Variants in CDH18 observed in about 807,000 individuals in gnomAD.
CDH18 encodes cadherin 18, also known as cadherin-18.
In CDH18, 31 loss-of-function variants were observed where a neutral mutation model predicts 67.9. That is an observed-to-expected ratio of 0.46 (90% CI 0.34 to 0.62). The LOEUF is 0.62. Ranked by LOEUF, CDH18 falls within the 20% of genes least tolerant of loss-of-function variation. The pLI is 0.01. For synonymous variants in CDH18, 362 were observed against 347.2 expected (o/e 1.04, Z -0.48); for missense variants, 890 against 975.5 (o/e 0.91, Z 1.17).
chr5:20,209,682 A>G (rs1054385239), intron 2 of CDH18, among the ~76,000 whole-genome samples: 2 of 152,044 alleles, frequency 1.3e-5, no homozygotes, highest in African/African-American at 2.4e-5. Flanking sequence ...TGATGGATAG[A>G]TCATTAAGAT....
intron 3 of CDH18, among the ~76,000 whole-genome samples, chr5:19,764,568 A>T (rs984673348): frequency 1.3e-5 from 2 of 151,700 alleles, no homozygotes; most frequent in Non-Finnish European, 2.9e-5. Flanking sequence ...TTAATGACTT[A>T]GTTCCCTTTA....
intron 1 of CDH18, among the ~76,000 whole-genome samples, chr5:20,569,210 CA>C (rs1269019992): frequency 6.6e-6 from 1 of 152,116 alleles, no homozygotes; most frequent in Non-Finnish European, 1.5e-5. Flanking sequence ...CATTGCCCTC[CA>C]TTTTATATGA....
chr5:19,756,977 A>C (rs1283120178), intron 3 of CDH18, among the ~76,000 whole-genome samples: 1 of 152,210 alleles, frequency 6.6e-6, no homozygotes, highest in Non-Finnish European at 1.5e-5. Context: ...TCAGCCCTGC[A>C]AAGTATTGTT....
At chr5:20,446,594 G>A (rs987505822) in intron 1 of CDH18, among the ~76,000 whole-genome samples, 16 of 152,304 alleles carry the variant, frequency 1.1e-4, no homozygotes, top group African/African-American at 3.6e-4. Context: ...TATTAAAAAT[G>A]TTTATTTCTC....
At chr5:20,269,115 C>A (rs1745257517) in intron 1 of CDH18, among the ~76,000 whole-genome samples, 1 of 152,042 alleles carries the variant, frequency 6.6e-6, no homozygotes, top group Non-Finnish European at 1.5e-5. Flanking sequence ...AAATGGCCAA[C>A]ACATAAATGT....
At chr5:19,962,392 A>AAAAAAAG (rs1345453570) in intron 2 of CDH18, among the ~76,000 whole-genome samples, 3 of 147,114 alleles carry the variant, frequency 2.0e-5, no homozygotes, top group South Asian at 4.4e-4. Context: ...AAAAAAAAAA[A>AAAAAAAG]AAAAGAAAAT....
chr5:20,515,414 T>C (rs1335019510), intron 1 of CDH18, among the ~76,000 whole-genome samples: 1 of 151,992 alleles, frequency 6.6e-6, no homozygotes, highest in African/African-American at 2.4e-5. Context: ...CCCAAACAGG[T>C]ACACTCAACA....
intron 5 of CDH18, among the ~76,000 whole-genome samples, chr5:19,662,910 AAAC>A (rs373188026): frequency 1.9e-3 from 287 of 152,164 alleles, no homozygotes; most frequent in African/African-American, 6.5e-3. Flanking sequence ...ATAATTTAAG[AAAC>A]AATACAAAGT....
chr5:20,087,253 A>G (rs1414356514), intron 2 of CDH18, among the ~76,000 whole-genome samples: 3 of 152,164 alleles, frequency 2.0e-5, no homozygotes, highest in African/African-American at 7.2e-5. Context: ...TAGGAGTTGC[A>G]TAACATGGAA....
At chr5:19,529,288 T>C (rs554448868) in intron 9 of CDH18, among the ~76,000 whole-genome samples, 2 of 151,992 alleles carry the variant, frequency 1.3e-5, no homozygotes, top group South Asian at 4.1e-4. Flanking sequence ...ATGACATTTT[T>C]AACAAGAAAT....
At chr5:19,571,336 G>C (rs995186719) in intron 8 of CDH18, among the ~76,000 whole-genome samples, 1 of 152,074 alleles carries the variant, frequency 6.6e-6, no homozygotes, top group Non-Finnish European at 1.5e-5. Context: ...CATCCATTAA[G>C]TCAAATGAAA....
At chr5:20,048,480 T>A (rs1299667826) in intron 2 of CDH18, among the ~76,000 whole-genome samples, 1 of 151,770 alleles carries the variant, frequency 6.6e-6, no homozygotes, top group Non-Finnish European at 1.5e-5. Context: ...TTTACAAGTC[T>A]TATCACATTG....
intron 1 of CDH18, among the ~76,000 whole-genome samples, chr5:20,558,045 T>TGTTATAGTTATATAACATTAAA (rs1758013914): frequency 6.7e-6 from 1 of 148,262 alleles, no homozygotes; most frequent in African/African-American, 2.6e-5. Context: ...ATAACATTAA[T>TGTTATAGTTATATAACATTAAA]TGTTATATAA....
chr5:20,470,218 C>T (rs967401266), intron 1 of CDH18, among the ~76,000 whole-genome samples: 1 of 152,062 alleles, frequency 6.6e-6, no homozygotes, highest in African/African-American at 2.4e-5. Context: ...GCATACATTC[C>T]ATGGTAAGGT....
At chr5:20,333,729 T>A (rs1320491492) in intron 1 of CDH18, among the ~76,000 whole-genome samples, 2 of 152,074 alleles carry the variant, frequency 1.3e-5, no homozygotes, top group African/African-American at 4.8e-5. Context: ...GCTACAGTGT[T>A]ATGCAGCAAT....
intron 2 of CDH18, among the ~76,000 whole-genome samples, chr5:20,173,805 T>C (rs886097601): frequency 3.3e-5 from 5 of 152,198 alleles, no homozygotes; most frequent in African/African-American, 9.6e-5. Flanking sequence ...AATAGGGTTA[T>C]AGATAGAATA....
At chr5:20,375,463 G>A (rs999957997) in intron 1 of CDH18, among the ~76,000 whole-genome samples, 1 of 152,100 alleles carries the variant, frequency 6.6e-6, no homozygotes, top group Non-Finnish European at 1.5e-5. Context: ...GTGGTGGTGG[G>A]GGGCAGGGAA....
chr5:20,022,381 G>T (rs2150435562), intron 2 of CDH18, among the ~76,000 whole-genome samples: 1 of 152,270 alleles, frequency 6.6e-6, no homozygotes, highest in Admixed American at 6.5e-5. Context: ...AGCTGGTTTT[G>T]TTTCTGCTTC....
chr5:20,390,147 T>G (rs1213095249), intron 1 of CDH18, among the ~76,000 whole-genome samples: 6 of 152,118 alleles, frequency 3.9e-5, no homozygotes, highest in African/African-American at 7.2e-5. Context: ...TGGGATCTAA[T>G]TAAACTAAAG....
Sources: allele counts gnomAD v4.1 joint callset (sites outside exome capture counted in the v4.1 genomes callset), GRCh38; gene constraint gnomAD v4.1.1; transcripts MANE v1.5; gene names NCBI Gene and HGNC (gene_info 2026-07-23, HGNC 2026-07-21).